TFCP2L1: variants seen among roughly 807,000 people sequenced by gnomAD.
The protein encoded by TFCP2L1 is transcription factor CP2-like protein 1.
Under a neutral mutation model 72.2 loss-of-function variants are expected in TFCP2L1, and 12 were observed. The ratio of observed to expected loss-of-function variants is 0.17; its 90% CI spans 0.11 to 0.27. The LOEUF (loss-of-function observed/expected upper bound fraction) is 0.27. Ranked by LOEUF, TFCP2L1 falls within the 10% of genes least tolerant of loss-of-function variation. The probability of loss-of-function intolerance (pLI) is 1.00; values close to 1 mark genes in which losing one functional copy is unlikely to be tolerated. For missense variants in TFCP2L1, 488 were observed against 624.6 expected (o/e 0.78, Z 2.33); for synonymous variants, 260 against 251.0 (o/e 1.04, Z -0.34).
chr2:121,256,479 T>C (rs1686722356), intron 2 of TFCP2L1, among the ~76,000 whole-genome samples: 1 of 152,098 alleles, frequency 6.6e-6, no homozygotes, highest in Non-Finnish European at 1.5e-5. Context: ...ATAAATATAA[T>C]CAATTCTAGG....
intron 8 of TFCP2L1, 64 bp downstream of exon 8, chr2:121,239,494 C>G (rs1278610854): frequency 6.4e-7 from 1 of 1,573,926 alleles, no homozygotes; most frequent in African/African-American, 1.3e-5. Flanking sequence ...GAAAGGAAGA[C>G]TAAGAAAGGA....
Position 121,285,112 on chromosome 2 carries a change from C to A in TFCP2L1, c.-3G>T, listed in dbSNP as rs1465362089. 1.3e-6 allele frequency: 2 copies of A among 1,503,452 alleles called. No homozygotes were observed. Among genetic ancestry groups the A allele is most frequent in the Non-Finnish European group, 1.8e-6 (2 of 1,126,064 alleles). 93.1% of individuals were successfully genotyped at this position (1,503,452 alleles called of 1,614,324 possible). A position where few individuals can be genotyped will look rare whatever the true frequency, so the allele number is the denominator to read the frequency against. On this transcript the variant is annotated 5_prime_UTR_variant, in exon 1 of 15. Coordinates refer to ENST00000263707, the MANE Select transcript of TFCP2L1 (RefSeq NM_014553.3). ...GGCTGCGTGTGCCAGAAGAGCATGG[C>A]TGGAACTCCCAGCGCGCCGACCGGG...
intron 2 of TFCP2L1, among the ~76,000 whole-genome samples, chr2:121,262,881 T>C (rs1573386829): frequency 6.6e-6 from 1 of 152,266 alleles, no homozygotes; most frequent in East Asian, 1.9e-4. Flanking sequence ...ATTTTTTAAA[T>C]TGTTTGATTT....
chr2:121,284,278 G>A (rs1687321726), intron 1 of TFCP2L1, among the ~76,000 whole-genome samples: 1 of 152,166 alleles, frequency 6.6e-6, no homozygotes, highest in South Asian at 2.1e-4. Flanking sequence ...AGCTGGTTCA[G>A]GCGAGTTCAC....
intron 2 of TFCP2L1, among the ~76,000 whole-genome samples, chr2:121,258,182 C>T (rs189596053): frequency 2.7e-4 from 41 of 152,324 alleles, no homozygotes; most frequent in Admixed American, 1.7e-3. Context: ...TGGCAAAAAA[C>T]TAACAGATTG....
At chr2:121,249,718 C>A in intron 2 of TFCP2L1, 71 bp from the exon 3 acceptor site, 1 of 1,494,426 alleles carries the variant, frequency 6.7e-7, no homozygotes, top group South Asian at 1.1e-5. Context: ...CAGCTAGCAG[C>A]CTTCTCAACA....
chr2:121,247,047 A>G (rs1220476648), intron 5 of TFCP2L1, 77 bp from the exon 6 acceptor site: 3 of 1,553,580 alleles, frequency 1.9e-6, no homozygotes, highest in East Asian at 2.3e-5. Flanking sequence ...CGCCCCCTCT[A>G]TTGGAGGTGT....
intron 2 of TFCP2L1, among the ~76,000 whole-genome samples, chr2:121,272,084 A>G (rs993719866): frequency 7.9e-5 from 12 of 152,160 alleles, no homozygotes; most frequent in African/African-American, 2.9e-4. Context: ...AGGAACTCCA[A>G]GAAAAAGCAG....
At chr2:121,225,689 C>T in intron 13 of TFCP2L1, 76 bp from the exon 14 acceptor site, 4 of 1,516,192 alleles carry the variant, frequency 2.6e-6, no homozygotes, top group South Asian at 1.1e-5. Flanking sequence ...CAGAGCCTAG[C>T]CATGCGCAGC....
intron 2 of TFCP2L1, among the ~76,000 whole-genome samples, chr2:121,277,080 G>C (rs2104763631): frequency 6.6e-6 from 1 of 152,264 alleles, no homozygotes; most frequent in East Asian, 1.9e-4. Flanking sequence ...TTCATAAATA[G>C]TATGCCCTTA....
At chr2:121,240,031 G>C (rs1181163049) in intron 7 of TFCP2L1, 5 of 984,836 alleles carry the variant, frequency 5.1e-6, no homozygotes, top group Non-Finnish European at 6.0e-6. Context: ...GTAAATGTCT[G>C]TTATAGGGAG....
chr2:121,265,615 C>A (rs568096156), intron 2 of TFCP2L1, among the ~76,000 whole-genome samples: 3 of 151,964 alleles, frequency 2.0e-5, no homozygotes, highest in African/African-American at 7.3e-5. Context: ...TCCCAAGTAT[C>A]TGGGATTACA....
chr2:121,267,534 C>T (rs1049426311), intron 2 of TFCP2L1, among the ~76,000 whole-genome samples: 2 of 151,440 alleles, frequency 1.3e-5, no homozygotes, highest in Non-Finnish European at 2.9e-5. Flanking sequence ...CGCTCTGTCA[C>T]TCAGGCTGGA....
rs1685955370 is a variant in TFCP2L1, at chr2:121,222,991, T to C, written c.*1350A>G. The C allele has an allele frequency of 1.3e-5, 2 of 152,218 alleles. No homozygotes were observed. Among genetic ancestry groups the C allele is most frequent in the Non-Finnish European group, 1.5e-5 (1 of 68,040 alleles). The allele number at this position is 152,218 out of a possible 1,614,324, so 9.4% of individuals were successfully genotyped here. A position where few individuals can be genotyped will look rare whatever the true frequency, so the allele number is the denominator to read the frequency against. On this transcript the variant is annotated 3_prime_UTR_variant, in exon 15 of 15. Coordinates refer to ENST00000263707, the MANE Select transcript of TFCP2L1 (RefSeq NM_014553.3). ...GCTACCCTATCACTATGTGCTACCA[T>C]GCAGGTGACTTTGCCCCTCTGAGCC... is the stretch of plus-strand genomic sequence containing the variant.
intron 2 of TFCP2L1, among the ~76,000 whole-genome samples, chr2:121,269,534 G>A (rs777696151): frequency 3.3e-5 from 5 of 152,146 alleles, no homozygotes; most frequent in Non-Finnish European, 5.9e-5. Context: ...GCTGGGGCAG[G>A]AAGACTGCTT....
rs555959225 is a variant in TFCP2L1 at position 121,267,411 on chromosome 2, T to C, written c.214+13709A>G. ...ACTGTCTGGAATTCAATCACATAAG[T>C]ATGATGTTTTAATTAACTGGCCCAT... is the stretch of plus-strand genomic sequence containing the variant. On this transcript the variant is annotated intron_variant, in intron 2 of 14. Coordinates refer to ENST00000263707, the MANE Select transcript of TFCP2L1 (RefSeq NM_014553.3). 5.3e-5 allele frequency among the ~76,000 whole-genome samples: 8 copies of C among 152,316 alleles called. No individual in the cohort carries two copies. The South Asian group carries it at 1.7e-3, about 32-fold the overall frequency.
chr2:121,258,861 T>G (rs1686778163), intron 2 of TFCP2L1, among the ~76,000 whole-genome samples: 1 of 152,170 alleles, frequency 6.6e-6, no homozygotes, highest in Non-Finnish European at 1.5e-5. Flanking sequence ...GGTATTATAT[T>G]GATGTTAAAT....
In TFCP2L1 at chr2:121,242,483, A is replaced by G. The variant is rs374379142; in HGVS notation, c.658-14T>C. ...GGCTCCCTTCGGCTGCGAGCAGAGT[A>G]CAGAGTCCAATCAGCCCAAAACCAA... On this transcript the variant is annotated splice_polypyrimidine_tract_variant and intron_variant, in intron 6 of 14. Transcript: ENST00000263707. The G allele has an allele frequency of 3.1e-6, 5 of 1,613,278 alleles. No individual in the cohort carries two copies. In the African/African-American group the frequency reaches 6.7e-5, roughly 22 times the overall value.
At position 121,221,429 on chromosome 2, in the gene TFCP2L1, C is replaced by T. The variant is rs943726149; in HGVS notation, c.*2912G>A. The T allele has an allele frequency of 7.9e-5, 12 of 151,388 alleles. No homozygotes were observed. Among genetic ancestry groups the T allele is most frequent in the African/African-American group, 2.2e-4 (9 of 41,184 alleles). 9.4% of individuals were successfully genotyped at this position (151,388 alleles called of 1,614,324 possible). A position where few individuals can be genotyped will look rare whatever the true frequency, so the allele number is the denominator to read the frequency against. On this transcript the variant is annotated 3_prime_UTR_variant, in exon 15 of 15. Coordinates refer to ENST00000263707, the MANE Select transcript of TFCP2L1 (RefSeq NM_014553.3). ...AAAAAAAAAAAGGTAAGCTTCCCAA[C>T]GACACCATGTCCCAGGAAAGAAGAT...
Sources: allele counts gnomAD v4.1 joint callset (sites outside exome capture counted in the v4.1 genomes callset), GRCh38; gene constraint gnomAD v4.1.1; transcripts MANE v1.5; gene names NCBI Gene and HGNC (gene_info 2026-07-23, HGNC 2026-07-21).